NUAK1: variants seen among roughly 807,000 people sequenced by gnomAD.
NUAK1 encodes NUAK family SNF1-like kinase 1.
A neutral mutation model predicts 56.9 loss-of-function variants in NUAK1; 26 were observed. The observed-to-expected ratio is 0.46, with a 90% CI of 0.33 to 0.63. The LOEUF (loss-of-function observed/expected upper bound fraction) is 0.63. Among genes scored for constraint, NUAK1 ranks in the 30% least tolerant of loss-of-function variants. NUAK1 has a pLI of 0.02. For missense variants in NUAK1, 727 were observed against 876.1 expected (o/e 0.83, Z 2.15); for synonymous variants, 337 against 336.0 (o/e 1.00, Z -0.03).
intron 4 of NUAK1, among the ~76,000 whole-genome samples, chr12:106,081,945 A>G (rs2032521719): frequency 6.6e-6 from 1 of 152,050 alleles, no homozygotes; most frequent in South Asian, 2.1e-4. Context: ...TCAAACCAAG[A>G]CCAATTTTTC....
intron 1 of NUAK1, among the ~76,000 whole-genome samples, chr12:106,127,013 T>C (rs941851394): frequency 6.6e-6 from 1 of 152,258 alleles, no homozygotes; most frequent in Middle Eastern, 3.4e-3. Context: ...TAATAACAAA[T>C]AACACTGCTT....
intron 4 of NUAK1, among the ~76,000 whole-genome samples, chr12:106,074,127 C>G (rs769713545): frequency 6.6e-6 from 1 of 152,232 alleles, no homozygotes; most frequent in Middle Eastern, 3.4e-3. Context: ...GTTCCACATC[C>G]TCCCCTTATC....
At chr12:106,107,791 T>C (rs1250353261) in intron 1 of NUAK1, among the ~76,000 whole-genome samples, 1 of 152,214 alleles carries the variant, frequency 6.6e-6, no homozygotes, top group Non-Finnish European at 1.5e-5. Context: ...AGTCCATCTA[T>C]GACTCAACAA....
In NUAK1 at chr12:106,070,871, A is replaced by T; in HGVS notation, c.735T>A (p.Thr245=). The change falls in exon 6 of 7, where the codon ACT becomes ACA. Residue 245 remains threonine (T), a synonymous_variant. Transcript: ENST00000261402. ...DSWALGVLLY[T]LVYGTMPFDG... ...CGAAGGGCATTGTTCCATAAACAAG[A>T]GTGTAAAGCAACACACCCAGGGCCC... 1 of 1,614,176 alleles carries T rather than the reference A, an allele frequency of 6.2e-7. No individual in the cohort carries two copies. Among genetic ancestry groups the T allele is most frequent in the Non-Finnish European group, 8.5e-7 (1 of 1,180,026 alleles).
chr12:106,131,263 C>T (rs566246427), intron 1 of NUAK1, among the ~76,000 whole-genome samples: 16 of 152,154 alleles, frequency 1.1e-4, no homozygotes, highest in African/African-American at 3.4e-4. Flanking sequence ...TTAGTATATT[C>T]GGAGGGGTGC....
chr12:106,082,626 G>T (rs1179222053), intron 4 of NUAK1, among the ~76,000 whole-genome samples: 1 of 152,148 alleles, frequency 6.6e-6, no homozygotes, highest in Non-Finnish European at 1.5e-5. Context: ...GAACTACTTT[G>T]ACCAACTATT....
At chr12:106,077,779 T>C (rs892553170) in intron 4 of NUAK1, among the ~76,000 whole-genome samples, 3 of 152,212 alleles carry the variant, frequency 2.0e-5, no homozygotes, top group African/African-American at 7.2e-5. Context: ...AGAGCCCCAG[T>C]GTATAATACG....
At chr12:106,100,170 C>T (rs1358098493) in intron 2 of NUAK1, among the ~76,000 whole-genome samples, 1 of 151,222 alleles carries the variant, frequency 6.6e-6, no homozygotes, top group Non-Finnish European at 1.5e-5. Context: ...ACACCCAGCC[C>T]TAGTATTATT....
intron 2 of NUAK1, among the ~76,000 whole-genome samples, chr12:106,101,660 C>A (rs2032749422): frequency 6.6e-6 from 1 of 152,224 alleles, no homozygotes; most frequent in African/African-American, 2.4e-5. Flanking sequence ...AGTCACCAGT[C>A]TATGGTATTT....
chr12:106,093,137 T>A (rs2032654137), intron 2 of NUAK1, among the ~76,000 whole-genome samples: 1 of 152,156 alleles, frequency 6.6e-6, no homozygotes, highest in Non-Finnish European at 1.5e-5. Context: ...ATCAGTGAGG[T>A]CAGCCAGAAG....
intron 2 of NUAK1, among the ~76,000 whole-genome samples, chr12:106,092,201 G>A (rs997219894): frequency 2.5e-4 from 38 of 151,988 alleles, no homozygotes; most frequent in African/African-American, 7.7e-4. Context: ...AACCAAAATC[G>A]TAGATGAGTT....
chr12:106,128,496 T>C (rs1364254716), intron 1 of NUAK1, among the ~76,000 whole-genome samples: 1 of 152,168 alleles, frequency 6.6e-6, no homozygotes, highest in East Asian at 1.9e-4. Context: ...GACTGGGACA[T>C]GAGTGACCTC....
At position 106,106,645 on chromosome 12, in the gene NUAK1, C is replaced by A; in HGVS notation, c.241-120G>T. The A allele has an allele frequency of 9.7e-6, 10 of 1,029,134 alleles. 1 individual carries two copies. The highest frequency in any genetic ancestry group is 1.2e-5 in the Non-Finnish European group (9 of 732,300). The allele number at this position is 1,029,134 out of a possible 1,614,324, so 63.8% of individuals were successfully genotyped here. ...TTGGCAGAACTGACAATAACCAAAA[C>A]AAAGCTTGGAAATGCCCCCTTGTCA... On this transcript the variant is annotated intron_variant, in intron 1 of 6. Coordinates refer to ENST00000261402, the MANE Select transcript of NUAK1 (RefSeq NM_014840.3).
At chr12:106,079,825 C>T (rs369071769) in intron 4 of NUAK1, among the ~76,000 whole-genome samples, 5 of 152,330 alleles carry the variant, frequency 3.3e-5, no homozygotes, top group African/African-American at 7.2e-5. Context: ...ATCCTCCTCA[C>T]GGCTCATTAT....
intron 2 of NUAK1, chr12:106,103,508 C>T (rs1385692676): frequency 6.6e-6 from 1 of 152,152 alleles, no homozygotes; most frequent in Non-Finnish European, 1.5e-5. Context: ...CAGATTTTAT[C>T]TTATCAGCCT....
At chr12:106,122,592 C>A (rs540671144) in intron 1 of NUAK1, among the ~76,000 whole-genome samples, 1 of 152,274 alleles carries the variant, frequency 6.6e-6, no homozygotes, top group East Asian at 1.9e-4. Context: ...CAAATAGGAG[C>A]CCTCCATTTA....
intron 2 of NUAK1, among the ~76,000 whole-genome samples, chr12:106,091,670 T>A (rs1316186232): frequency 2.6e-5 from 4 of 151,946 alleles, no homozygotes; most frequent in Non-Finnish European, 5.9e-5. Flanking sequence ...CCGAGAACAA[T>A]CCAAGAGACA....
chr12:106,110,617 T>G (rs542403136), intron 1 of NUAK1, among the ~76,000 whole-genome samples: 1 of 152,154 alleles, frequency 6.6e-6, no homozygotes, highest in Non-Finnish European at 1.5e-5. Flanking sequence ...AAAAATCCCA[T>G]TTGTTCCTGT....
intron 2 of NUAK1, chr12:106,103,249 C>T (rs1348533057): frequency 6.6e-6 from 1 of 152,220 alleles, no homozygotes; most frequent in Non-Finnish European, 1.5e-5. Flanking sequence ...AATAAAGAAC[C>T]TGGAACCTTC....
Sources: gnomAD v4.1 joint callset for allele counts (sites outside exome capture counted in the v4.1 genomes callset) on GRCh38, gnomAD v4.1.1 for gene constraint, MANE v1.5 for transcripts, NCBI Gene and HGNC (gene_info 2026-07-23, HGNC 2026-07-21) for gene names.